SMOC2: variants seen among roughly 807,000 people sequenced by gnomAD.
SMOC2 encodes SPARC-related modular calcium-binding protein 2.
Under a neutral mutation model 61.4 loss-of-function variants are expected in SMOC2, and 39 were observed. The observed-to-expected ratio is 0.64, with a 90% CI of 0.49 to 0.83. The LOEUF (loss-of-function observed/expected upper bound fraction) is 0.83. SMOC2 is among the 40% of genes least tolerant of loss of function. The pLI, the probability that SMOC2 is intolerant of heterozygous loss-of-function variation, is 0.00. For synonymous variants in SMOC2, 247 were observed against 239.9 expected (o/e 1.03, Z -0.27); for missense variants, 556 against 592.9 (o/e 0.94, Z 0.65).
rs201735083 is a variant in SMOC2 at position 168,599,710 on chromosome 6, TCACA to T, written c.824+711_824+714del. Among the ~76,000 whole-genome samples, 916 of 120,220 alleles carry T rather than the reference TCACA, an allele frequency of 7.6e-3. 14 individuals are homozygous for T. Among genetic ancestry groups the T allele is most frequent in the African/African-American group, 0.028 (846 of 30,470 alleles). 78.9% of individuals were successfully genotyped at this position (120,220 alleles called of 152,430 possible). On this transcript the variant is annotated intron_variant, in intron 8 of 12. Transcript: ENST00000356284. ...CACACTCTCACACACACACCCACAG[TCACA>T]CACAACCACTAATACTCTCACACAC...
At chr6:168,652,376 C>T (rs1042482195) in intron 10 of SMOC2, among the ~76,000 whole-genome samples, 2 of 152,136 alleles carry the variant, frequency 1.3e-5, no homozygotes, top group Admixed American at 6.5e-5. Flanking sequence ...CCATCCCATG[C>T]GCACACACAC....
chr6:168,567,626 G>A (rs188582347), intron 7 of SMOC2, among the ~76,000 whole-genome samples: 56 of 152,232 alleles, frequency 3.7e-4, no homozygotes, highest in Non-Finnish European at 5.7e-4. Context: ...CGTTTTCAGA[G>A]GTGGCAAAGC....
intron 2 of SMOC2, among the ~76,000 whole-genome samples, chr6:168,513,014 T>G (rs573438440): frequency 4.5e-3 from 125 of 27,984 alleles, no homozygotes; most frequent in African/African-American, 6.4e-3. Flanking sequence ...GTGAAATATC[T>G]TTCTATAAAA....
At chr6:168,647,102 C>T (rs573824716) in intron 9 of SMOC2, among the ~76,000 whole-genome samples, 3 of 152,196 alleles carry the variant, frequency 2.0e-5, no homozygotes, top group South Asian at 2.1e-4. Context: ...GTAGCACCTT[C>T]GTGCTATGCC....
At chr6:168,651,430 G>C (rs539279383) in intron 10 of SMOC2, among the ~76,000 whole-genome samples, 13 of 152,232 alleles carry the variant, frequency 8.5e-5, no homozygotes, top group African/African-American at 2.9e-4. Flanking sequence ...TCAGCCTCAG[G>C]AGAGCAGAAG....
At chr6:168,480,321 GA>G in intron 1 of SMOC2, among the ~76,000 whole-genome samples, 1 of 152,174 alleles carries the variant, frequency 6.6e-6, no homozygotes, top group South Asian at 2.1e-4. Flanking sequence ...ACAAACATTT[GA>G]AAACACCTGT....
At chr6:168,456,402 C>T (rs553982295) in intron 1 of SMOC2, among the ~76,000 whole-genome samples, 1 of 152,324 alleles carries the variant, frequency 6.6e-6, no homozygotes, top group African/African-American at 2.4e-5. Flanking sequence ...GAGTTAACCT[C>T]AACCAGGTCA....
At chr6:168,546,001 G>T (rs1173209700) in intron 5 of SMOC2, among the ~76,000 whole-genome samples, 1 of 152,052 alleles carries the variant, frequency 6.6e-6, no homozygotes, top group African/African-American at 2.4e-5. Context: ...AATAACTGAT[G>T]TTACATTTTT....
intron 1 of SMOC2, among the ~76,000 whole-genome samples, chr6:168,482,928 C>T (rs1467319780): frequency 6.6e-6 from 1 of 151,966 alleles, no homozygotes; most frequent in Non-Finnish European, 1.5e-5. Flanking sequence ...ATATGAAAAA[C>T]AAAACCATTG....
intron 1 of SMOC2, among the ~76,000 whole-genome samples, chr6:168,463,832 G>A (rs987417869): frequency 2.6e-5 from 4 of 152,150 alleles, no homozygotes; most frequent in African/African-American, 7.2e-5. Context: ...CTGTAGAGAC[G>A]TCGGCTGAGA....
At position 168,535,996 on chromosome 6, in the gene SMOC2, T is replaced by C. The variant is rs1403846763; in HGVS notation, c.464-7629T>C. Among the ~76,000 whole-genome samples the C allele has an allele frequency of 2.0e-5, 3 of 152,200 alleles. No individual in the cohort carries two copies. The highest frequency in any genetic ancestry group is 7.2e-5 in the African/African-American group (3 of 41,474). On this transcript the variant is annotated intron_variant, in intron 4 of 12. Transcript: ENST00000356284. The surrounding 1 kb of genome is among the most constrained non-coding windows in gnomAD (Gnocchi z 4.6). ...CAGGGGCCCGGCCGTTCTCTCTGGATTCTGGCTCGAATTTTCACACGTGCC... is the reference window on the plus strand; with the variant it reads ...CAGGGGCCCGGCCGTTCTCTCTGGACTCTGGCTCGAATTTTCACACGTGCC...
intron 7 of SMOC2, among the ~76,000 whole-genome samples, chr6:168,588,615 C>A (rs936783583): frequency 6.6e-6 from 1 of 152,202 alleles, no homozygotes; most frequent in Non-Finnish European, 1.5e-5. Flanking sequence ...TGATTCCCAG[C>A]ATTTACATTA....
chr6:168,500,646 C>T (rs1782706268), intron 1 of SMOC2, among the ~76,000 whole-genome samples: 1 of 152,172 alleles, frequency 6.6e-6, no homozygotes, highest in African/African-American at 2.4e-5. Flanking sequence ...CACTGAGCTG[C>T]AGCTCTGGCC....
chr6:168,485,037 A>G (rs945117480), intron 1 of SMOC2, among the ~76,000 whole-genome samples: 1 of 152,242 alleles, frequency 6.6e-6, no homozygotes, highest in African/African-American at 2.4e-5. Context: ...ATAGTTATAC[A>G]ACATGATGAA....
chr6:168,443,420 G>A (rs1341876463), intron 1 of SMOC2, among the ~76,000 whole-genome samples: 1 of 152,204 alleles, frequency 6.6e-6, no homozygotes, highest in African/African-American at 2.4e-5. Flanking sequence ...GGGTCTCTGT[G>A]CAGGAGCTGA....
chr6:168,607,442 A>T (rs2115201520), intron 8 of SMOC2, among the ~76,000 whole-genome samples: 1 of 152,294 alleles, frequency 6.6e-6, no homozygotes, highest in East Asian at 1.9e-4. Context: ...TCCCACTGCC[A>T]ATTCAGTAGT....
chr6:168,599,536 C>CCACA (rs146935677), intron 8 of SMOC2, among the ~76,000 whole-genome samples: 1 of 69,462 alleles, frequency 1.4e-5, no homozygotes, highest in Non-Finnish European at 2.4e-5. Context: ...CCCCACACAC[C>CCACA]CACTCACACA....
intron 9 of SMOC2, among the ~76,000 whole-genome samples, chr6:168,638,532 G>C: frequency 6.6e-6 from 1 of 152,194 alleles, no homozygotes; most frequent in East Asian, 1.9e-4. Flanking sequence ...TGGAGGGAAT[G>C]CTTTCAGCGA....
intron 4 of SMOC2, among the ~76,000 whole-genome samples, 177 bp from the exon 5 acceptor site, chr6:168,543,448 A>T (rs984597590): frequency 2.0e-4 from 30 of 152,180 alleles, no homozygotes; most frequent in Admixed American, 2.0e-3. Flanking sequence ...CCAGGGTCTG[A>T]GTGTTTAGGT....
Sources: allele counts gnomAD v4.1 joint callset (sites outside exome capture counted in the v4.1 genomes callset), GRCh38; gene constraint gnomAD v4.1.1; non-coding constraint Gnocchi (gnomAD v3.1); transcripts MANE v1.5; gene names NCBI Gene and HGNC (gene_info 2026-07-23, HGNC 2026-07-21).